ST6GALNAC3: variants seen among roughly 807,000 people sequenced by gnomAD.
ST6GALNAC3 encodes alpha-N-acetylgalactosaminide alpha-2,6-sialyltransferase 3.
ST6GALNAC3 carries 25 observed loss-of-function variants against 32.7 expected under a neutral mutation model. The ratio of observed to expected loss-of-function variants is 0.76; its 90% CI spans 0.56 to 1.07. The LOEUF (loss-of-function observed/expected upper bound fraction) is 1.07, where lower values mean the gene tolerates loss of function less well. Among genes scored for constraint, ST6GALNAC3 ranks in the 50% least tolerant of loss-of-function variants. The pLI is 0.00. For missense variants in ST6GALNAC3, 355 were observed against 382.4 expected, an observed-to-expected ratio of 0.93 and a Z score of 0.60; for synonymous variants, 129 against 133.1, an observed-to-expected ratio of 0.97 and a Z score of 0.21.
chr1:76,303,998 T>C (rs912417801), intron 1 of ST6GALNAC3, among the ~76,000 whole-genome samples: 3 of 151,762 alleles, frequency 2.0e-5, no homozygotes, highest in African/African-American at 7.3e-5. Context: ...ACCTCAAATC[T>C]ACACAGAAAT....
chr1:76,556,659 T>G (rs1274852784), intron 3 of ST6GALNAC3, among the ~76,000 whole-genome samples: 1 of 152,132 alleles, frequency 6.6e-6, no homozygotes, highest in Non-Finnish European at 1.5e-5. Flanking sequence ...ACTTACTGAC[T>G]ATATATCTTC....
intron 3 of ST6GALNAC3, among the ~76,000 whole-genome samples, chr1:76,446,399 T>G (rs1158590571): frequency 3.3e-5 from 5 of 152,208 alleles, no homozygotes; most frequent in Admixed American, 2.6e-4. Context: ...TTCTTAAGGA[T>G]CTGGACAAAT....
At chr1:76,226,463 T>C (rs1656076243) in intron 1 of ST6GALNAC3, among the ~76,000 whole-genome samples, 1 of 152,246 alleles carries the variant, frequency 6.6e-6, no homozygotes, top group African/African-American at 2.4e-5. Context: ...TTATCAGTGA[T>C]GGCAAATGGA....
intron 3 of ST6GALNAC3, among the ~76,000 whole-genome samples, chr1:76,427,623 G>C (rs548291243): frequency 2.0e-5 from 3 of 152,204 alleles, no homozygotes; most frequent in Non-Finnish European, 4.4e-5. Context: ...TTAAAATTAG[G>C]TTAGTTTTAC....
At chr1:76,614,757 A>G (rs1648181220) in intron 3 of ST6GALNAC3, among the ~76,000 whole-genome samples, 1 of 149,252 alleles carries the variant, frequency 6.7e-6, no homozygotes, top group African/African-American at 2.5e-5. Flanking sequence ...AAAAAAAATT[A>G]ATAAATACCA....
chr1:76,276,020 A>G (rs919350388), intron 1 of ST6GALNAC3, among the ~76,000 whole-genome samples: 1 of 152,148 alleles, frequency 6.6e-6, no homozygotes, highest in Non-Finnish European at 1.5e-5. Flanking sequence ...TCCAGGTTTT[A>G]TATTTGCAAC....
chr1:76,574,239 A>G (rs1178730374), intron 3 of ST6GALNAC3, among the ~76,000 whole-genome samples: 4 of 152,088 alleles, frequency 2.6e-5, no homozygotes, highest in South Asian at 4.1e-4. Context: ...ATTTTTATCT[A>G]AACTGTGTAT....
chr1:76,117,890 T>A (rs1648590851), intron 1 of ST6GALNAC3, among the ~76,000 whole-genome samples: 1 of 152,234 alleles, frequency 6.6e-6, no homozygotes, highest in African/African-American at 2.4e-5. Flanking sequence ...TCAGTTTTCC[T>A]GTTGATAAAA....
chr1:76,325,373 T>C (rs547244264), intron 2 of ST6GALNAC3, among the ~76,000 whole-genome samples: 1 of 152,280 alleles, frequency 6.6e-6, no homozygotes, highest in Non-Finnish European at 1.5e-5. Context: ...GGAACAGCTG[T>C]GCAAGTCAGT....
chr1:76,330,933 G>A (rs1389519550), intron 2 of ST6GALNAC3, among the ~76,000 whole-genome samples: 2 of 152,290 alleles, frequency 1.3e-5, no homozygotes, highest in East Asian at 3.9e-4. Flanking sequence ...GCATTCCACA[G>A]CCTTTTGCCT....
chr1:76,415,709 G>A (rs897128041), intron 3 of ST6GALNAC3, among the ~76,000 whole-genome samples: 6 of 151,998 alleles, frequency 3.9e-5, no homozygotes, highest in Non-Finnish European at 8.8e-5. Context: ...GGCAGACCTG[G>A]ATTCAGACAT....
intron 1 of ST6GALNAC3, among the ~76,000 whole-genome samples, chr1:76,152,535 G>A (rs1570214652): frequency 6.6e-6 from 1 of 152,174 alleles, no homozygotes; most frequent in Non-Finnish European, 1.5e-5. Context: ...AAATGCCCAC[G>A]AGTCTTTGGT....
intron 3 of ST6GALNAC3, among the ~76,000 whole-genome samples, chr1:76,491,586 T>A (rs1350211046): frequency 6.6e-6 from 1 of 152,046 alleles, no homozygotes; most frequent in African/African-American, 2.4e-5. Context: ...AGGCCTGTGT[T>A]TAATCTAAGG....
chr1:76,478,808 G>A (rs1446207804), intron 3 of ST6GALNAC3, among the ~76,000 whole-genome samples: 1 of 138,710 alleles, frequency 7.2e-6, no homozygotes. Flanking sequence ...TGTCTCCCAG[G>A]CTGGAGTGCA....
chr1:76,522,094 A>T (rs2101793619), intron 3 of ST6GALNAC3, among the ~76,000 whole-genome samples: 1 of 152,042 alleles, frequency 6.6e-6, no homozygotes, highest in East Asian at 1.9e-4. Context: ...CTAAAAAAAA[A>T]AAAAAAAAAC....
chr1:76,412,624 T>G (rs1654340119), intron 3 of ST6GALNAC3, among the ~76,000 whole-genome samples: 1 of 152,162 alleles, frequency 6.6e-6, no homozygotes, highest in Non-Finnish European at 1.5e-5. Flanking sequence ...CTGATTGGTT[T>G]GAGTCTCCAA....
intron 3 of ST6GALNAC3, among the ~76,000 whole-genome samples, chr1:76,527,498 G>C (rs747093475): frequency 6.6e-6 from 1 of 151,936 alleles, no homozygotes; most frequent in Non-Finnish European, 1.5e-5. Context: ...CCCTCCAGTG[G>C]ATTGATTCAA....
rs577986527 is a variant in ST6GALNAC3, at chr1:76,559,726, G to A, written c.624-67726G>A. On this transcript the variant is annotated intron_variant, in intron 3 of 4. Coordinates refer to ENST00000328299, the MANE Select transcript of ST6GALNAC3 (RefSeq NM_152996.4). Reference sequence around the variant, plus strand: ...GGTGAGCATTCACAGTACACAGTACGTGGTTTTAACTTCATATCAATGCAA... The same window carrying A: ...GGTGAGCATTCACAGTACACAGTACATGGTTTTAACTTCATATCAATGCAA... Among the ~76,000 whole-genome samples the A allele has an allele frequency of 7.9e-5, 12 of 152,198 alleles. No homozygotes were observed. In the East Asian group the frequency reaches 1.4e-3, roughly 17 times the overall value.
intron 1 of ST6GALNAC3, among the ~76,000 whole-genome samples, chr1:76,219,523 A>G (rs1161770742): frequency 6.6e-6 from 1 of 152,168 alleles, no homozygotes; most frequent in Non-Finnish European, 1.5e-5. Flanking sequence ...CAGGTGCTGG[A>G]GTCTGAGGGG....
Sources: gnomAD v4.1 joint callset for allele counts (sites outside exome capture counted in the v4.1 genomes callset) on GRCh38, gnomAD v4.1.1 for gene constraint, MANE v1.5 for transcripts, NCBI Gene and HGNC (gene_info 2026-07-23, HGNC 2026-07-21) for gene names.